The following EPC2 variants were observed in gnomAD, a reference collection of about 807,000 sequenced individuals.
EPC2 encodes the protein enhancer of polycomb 2.
A neutral mutation model predicts 92.1 loss-of-function variants in EPC2; 14 were observed. That is an observed-to-expected ratio of 0.15 (90% confidence interval 0.10 to 0.24). The LOEUF is 0.24. Ranked by LOEUF, EPC2 falls within the 10% of genes least tolerant of loss-of-function variation. The probability of loss-of-function intolerance (pLI) is 1.00; values close to 1 mark genes in which losing one functional copy is unlikely to be tolerated. For missense variants in EPC2, 755 were observed against 971.5 expected (o/e 0.78, Z 2.96); for synonymous variants, 340 against 334.7 (o/e 1.02, Z -0.17).
chr2:148,683,077 A>T (rs1470528024), intron 1 of EPC2, among the ~76,000 whole-genome samples: 1 of 151,640 alleles, frequency 6.6e-6, no homozygotes, highest in Non-Finnish European at 1.5e-5. Context: ...AAGGATCTTA[A>T]ATTTTTTTTT....
chr2:148,690,483 T>A, intron 2 of EPC2, 110 bp downstream of exon 2: 2 of 949,606 alleles, frequency 2.1e-6, no homozygotes, highest in Non-Finnish European at 3.1e-6. Context: ...ACACACTGAT[T>A]AATAGATATG....
intron 2 of EPC2, among the ~76,000 whole-genome samples, chr2:148,695,053 C>T (rs1390652171): frequency 6.6e-6 from 1 of 152,258 alleles, no homozygotes; most frequent in Non-Finnish European, 1.5e-5. Context: ...GTTGGGATTA[C>T]AGGCGTGAGC....
At chr2:148,700,487 C>T (rs1309845084) in intron 2 of EPC2, among the ~76,000 whole-genome samples, 4 of 134,578 alleles carry the variant, frequency 3.0e-5, no homozygotes, top group East Asian at 2.6e-4. Flanking sequence ...CTCCCCCCCT[C>T]CCCCCCGCCC....
chr2:148,771,451 G>A, intron 10 of EPC2, 64 bp downstream of exon 10: 2 of 1,411,378 alleles, frequency 1.4e-6, no homozygotes, highest in Non-Finnish European at 1.9e-6. Flanking sequence ...TATTGGGAAA[G>A]GAATTTTATC....
intron 4 of EPC2, among the ~76,000 whole-genome samples, chr2:148,757,131 CT>C (rs2105419108): frequency 6.6e-6 from 1 of 152,018 alleles, no homozygotes; most frequent in South Asian, 2.1e-4. Context: ...AATCCCAGCA[CT>C]TTCGGAGACT....
At chr2:148,747,442 T>C (rs1304069418) in intron 3 of EPC2, among the ~76,000 whole-genome samples, 4 of 152,092 alleles carry the variant, frequency 2.6e-5, no homozygotes, top group Non-Finnish European at 5.9e-5. Flanking sequence ...CCCCAAAAGG[T>C]GCCCAAGTCC....
At position 148,777,695 on chromosome 2, in the gene EPC2, A is replaced by G. The variant is rs561401651; in HGVS notation, c.1721-3949A>G. 9.8e-5 allele frequency among the ~76,000 whole-genome samples: 15 copies of G among 152,300 alleles called. No individual in the cohort carries two copies. In the South Asian group the frequency reaches 3.1e-3, roughly 32 times the overall value. ...AAAAAGTCACCCTAAGCAGAGCACC[A>G]TACAGGAACCACACACCTAAAAGGC... On this transcript the variant is annotated intron_variant, in intron 10 of 13. Transcript: ENST00000258484.
chr2:148,780,653 A>T (rs559148976), intron 10 of EPC2, among the ~76,000 whole-genome samples: 4 of 152,012 alleles, frequency 2.6e-5, no homozygotes, highest in Admixed American at 1.3e-4. Flanking sequence ...ATTCACTGTG[A>T]CTCTTAGTGC....
chr2:148,718,343 G>T (rs1682299844), intron 2 of EPC2, among the ~76,000 whole-genome samples: 1 of 151,696 alleles, frequency 6.6e-6, no homozygotes, highest in Non-Finnish European at 1.5e-5. Context: ...ACTGATCTGT[G>T]TACTTCAGTG....
intron 5 of EPC2, 62 bp downstream of exon 5, chr2:148,761,992 C>T: frequency 7.1e-7 from 1 of 1,414,482 alleles, no homozygotes; most frequent in South Asian, 1.4e-5. Flanking sequence ...GCAAAATGAA[C>T]CAAAAGATTT....
chr2:148,686,185 C>T (rs1431997189), intron 1 of EPC2, among the ~76,000 whole-genome samples: 3 of 152,190 alleles, frequency 2.0e-5, no homozygotes, highest in African/African-American at 7.2e-5. Context: ...GTTCCAAATC[C>T]TTTGTTGTCA....
chr2:148,731,476 C>T (rs1682626496), intron 2 of EPC2, among the ~76,000 whole-genome samples: 1 of 152,156 alleles, frequency 6.6e-6, no homozygotes, highest in South Asian at 2.1e-4. Context: ...AGTCTCCGCT[C>T]ACTACAACCT....
At chr2:148,731,022 T>C (rs1682617737) in intron 2 of EPC2, among the ~76,000 whole-genome samples, 1 of 152,194 alleles carries the variant, frequency 6.6e-6, no homozygotes, top group Non-Finnish European at 1.5e-5. Context: ...GTTAAGGATA[T>C]CCTCTCTGCT....
chr2:148,717,722 G>T (rs1455474555), intron 2 of EPC2, among the ~76,000 whole-genome samples: 1 of 152,150 alleles, frequency 6.6e-6, no homozygotes, highest in Non-Finnish European at 1.5e-5. Flanking sequence ...TGTATATTCT[G>T]TTGTTTTTGG....
chr2:148,686,757 A>T (rs1681535460), intron 1 of EPC2, among the ~76,000 whole-genome samples: 2 of 152,170 alleles, frequency 1.3e-5, no homozygotes, highest in Non-Finnish European at 2.9e-5. Context: ...GGGTAGTTGT[A>T]TTTTAAACTA....
intron 2 of EPC2, among the ~76,000 whole-genome samples, chr2:148,743,202 CT>C (rs1469291442): frequency 6.6e-6 from 1 of 150,938 alleles, no homozygotes; most frequent in African/African-American, 2.4e-5. Flanking sequence ...TGCCAACACT[CT>C]TTTTTTTTCA....
At chr2:148,751,840 A>G (rs1683087211) in intron 3 of EPC2, among the ~76,000 whole-genome samples, 1 of 152,166 alleles carries the variant, frequency 6.6e-6, no homozygotes, top group Non-Finnish European at 1.5e-5. Flanking sequence ...TTACAGAATT[A>G]TTAAAACCAA....
chr2:148,649,088 A>G (rs1204610512), intron 1 of EPC2, among the ~76,000 whole-genome samples: 3 of 152,236 alleles, frequency 2.0e-5, no homozygotes, highest in Non-Finnish European at 4.4e-5. Context: ...GTATAGTGGT[A>G]GTTGATGTTT....
chr2:148,748,139 A>G (rs771510285), intron 3 of EPC2, among the ~76,000 whole-genome samples: 15 of 152,034 alleles, frequency 9.9e-5, no homozygotes, highest in Non-Finnish European at 1.6e-4. Flanking sequence ...TTGTTTCACA[A>G]ACTTGTTCTC....
Sources: allele counts gnomAD v4.1 joint callset (sites outside exome capture counted in the v4.1 genomes callset), GRCh38; gene constraint gnomAD v4.1.1; transcripts MANE v1.5; gene names NCBI Gene and HGNC (gene_info 2026-07-23, HGNC 2026-07-21).